Variants in FHIT observed in about 807,000 individuals in gnomAD.
FHIT encodes the protein fragile histidine triad diadenosine triphosphatase.
In FHIT, 19 loss-of-function variants were observed where a neutral mutation model predicts 17.9. The observed-to-expected ratio is 1.06, with a 90% CI of 0.74 to 1.56. FHIT has a LOEUF of 1.56. Ranked by LOEUF, FHIT falls within the 40% of genes most tolerant of loss-of-function variation. The probability of loss-of-function intolerance (pLI) is 0.00; values close to 1 mark genes in which losing one functional copy is unlikely to be tolerated. For synonymous variants in FHIT, 81 were observed against 69.7 expected, an observed-to-expected ratio of 1.16 and a Z score of -0.81; for missense variants, 248 against 189.2, an observed-to-expected ratio of 1.31 and a Z score of -1.82.
At chr3:60,437,880 C>G (rs1026167577) in intron 5 of FHIT, among the ~76,000 whole-genome samples, 3 of 151,160 alleles carry the variant, frequency 2.0e-5, no homozygotes, top group African/African-American at 7.3e-5. Context: ...AAAATCATGA[C>G]TAGTCACTTG....
At chr3:61,207,215 G>A (rs1435036088) in intron 1 of FHIT, among the ~76,000 whole-genome samples, 1 of 152,118 alleles carries the variant, frequency 6.6e-6, no homozygotes. Flanking sequence ...GCTGGATTCG[G>A]TTTGCCAGTA....
intron 1 of FHIT, among the ~76,000 whole-genome samples, chr3:61,207,214 G>A (rs147963661): frequency 5.3e-5 from 8 of 152,148 alleles, no homozygotes; most frequent in East Asian, 3.9e-4. Context: ...TGCTGGATTC[G>A]GTTTGCCAGT....
intron 3 of FHIT, among the ~76,000 whole-genome samples, chr3:60,952,376 G>A (rs782066628): frequency 9.2e-5 from 14 of 152,094 alleles, no homozygotes; most frequent in Non-Finnish European, 1.8e-4. Context: ...TCTTTTAACC[G>A]TTTGTTCTGG....
intron 5 of FHIT, among the ~76,000 whole-genome samples, chr3:60,302,697 A>G (rs973934724): frequency 3.3e-5 from 5 of 152,162 alleles, no homozygotes. Context: ...TATTTCACTG[A>G]CGTCTAACAC....
intron 4 of FHIT, among the ~76,000 whole-genome samples, chr3:60,788,432 C>A (rs1700657417): frequency 1.3e-5 from 2 of 152,046 alleles, no homozygotes; most frequent in Non-Finnish European, 2.9e-5. Context: ...TCAGGATCAA[C>A]TATATATATA....
Position 60,429,227 on chromosome 3 carries a change from A to T in FHIT, c.103+107633T>A, listed in dbSNP as rs536044319. On this transcript the variant is annotated intron_variant, in intron 5 of 9. Transcript: ENST00000492590. ...CCAGGAGGCATCAGTTAAAACTCTT[A>T]TAAATACCTTCTTTAAGTGATTTTA... 1.7e-4 allele frequency among the ~76,000 whole-genome samples: 26 copies of T among 152,194 alleles called. No individual in the cohort carries two copies. The East Asian group carries it at 5.1e-3, about 30-fold the overall frequency.
intron 5 of FHIT, among the ~76,000 whole-genome samples, chr3:60,495,933 AGAATG>A (rs975448360): frequency 6.6e-6 from 1 of 152,192 alleles, no homozygotes; most frequent in African/African-American, 2.4e-5. Flanking sequence ...GGGAAAGAAT[AGAATG>A]GAACACTGTT....
chr3:60,247,535 C>T (rs966839694), intron 5 of FHIT, among the ~76,000 whole-genome samples: 1 of 152,062 alleles, frequency 6.6e-6, no homozygotes, highest in Non-Finnish European at 1.5e-5. Context: ...TTTGGGTTTA[C>T]AAAATTAAAC....
chr3:61,156,278 G>T (rs1054399013), intron 2 of FHIT, among the ~76,000 whole-genome samples: 8 of 151,998 alleles, frequency 5.3e-5, no homozygotes, highest in African/African-American at 1.9e-4. Context: ...CATTGAACCT[G>T]GTAATGGTCT....
chr3:60,195,553 A>ATATATATATT (rs148013554), intron 5 of FHIT, among the ~76,000 whole-genome samples: 27 of 136,494 alleles, frequency 2.0e-4, no homozygotes, highest in Admixed American at 1.0e-3. Flanking sequence ...TGTGATATAT[A>ATATATATATT]TATATATTTA....
At chr3:60,836,165 C>G (rs957855696) in intron 3 of FHIT, among the ~76,000 whole-genome samples, 2 of 152,118 alleles carry the variant, frequency 1.3e-5, no homozygotes, top group African/African-American at 2.4e-5. Flanking sequence ...ATTCTTTTAG[C>G]CTGAATCCTG....
chr3:60,051,747 C>T (rs1014283919), intron 5 of FHIT, among the ~76,000 whole-genome samples: 1 of 152,098 alleles, frequency 6.6e-6, no homozygotes, highest in African/African-American at 2.4e-5. Flanking sequence ...TGCCAAGTCC[C>T]CAAGGCTGTA....
intron 5 of FHIT, among the ~76,000 whole-genome samples, chr3:60,197,895 C>G (rs1232586453): frequency 1.3e-5 from 2 of 152,152 alleles, no homozygotes; most frequent in Middle Eastern, 3.2e-3. Flanking sequence ...TGTAACTTCA[C>G]AAACTTGAAA....
intron 3 of FHIT, among the ~76,000 whole-genome samples, chr3:60,928,655 G>A (rs1376470707): frequency 4.0e-5 from 6 of 149,720 alleles, no homozygotes; most frequent in African/African-American, 1.5e-4. Flanking sequence ...ACCCTCCCAA[G>A]ACTAAACCAG....
At chr3:59,983,676 T>A (rs1400426122) in intron 7 of FHIT, among the ~76,000 whole-genome samples, 1 of 152,132 alleles carries the variant, frequency 6.6e-6, no homozygotes, top group Non-Finnish European at 1.5e-5. Flanking sequence ...CCCTCTCCAG[T>A]GTTGGCTTCA....
At chr3:59,959,933 A>G (rs1707586712) in intron 7 of FHIT, among the ~76,000 whole-genome samples, 1 of 152,196 alleles carries the variant, frequency 6.6e-6, no homozygotes, top group Non-Finnish European at 1.5e-5. Flanking sequence ...ATAAGGAGAT[A>G]ATAACATATG....
intron 7 of FHIT, among the ~76,000 whole-genome samples, chr3:59,991,605 G>C (rs1333496290): frequency 6.6e-6 from 1 of 152,056 alleles, no homozygotes; most frequent in African/African-American, 2.4e-5. Flanking sequence ...TCTCTAGGAA[G>C]CATCTTTCTT....
intron 5 of FHIT, among the ~76,000 whole-genome samples, chr3:60,116,626 G>A (rs546589921): frequency 2.0e-5 from 3 of 152,114 alleles, no homozygotes; most frequent in Middle Eastern, 3.4e-3. Context: ...ACTCTTCCTG[G>A]CATTTCTAAT....
rs1576736164 is a variant in FHIT at position 60,483,254 on chromosome 3, A to G, written c.103+53606T>C. ...CAGCCAAATTCTACCAGAGGTACAA[A>G]GAGGAACTGGTGTCATTCCTTCTGA... is the stretch of plus-strand genomic sequence containing the variant. On this transcript the variant is annotated intron_variant, in intron 5 of 9. Coordinates refer to ENST00000492590, the MANE Select transcript of FHIT (RefSeq NM_002012.4). Among the ~76,000 whole-genome samples, 5 of 152,322 alleles carry G rather than the reference A, an allele frequency of 3.3e-5. No homozygotes were observed. In the South Asian group the frequency reaches 8.3e-4, roughly 25 times the overall value.
Sources: allele counts gnomAD v4.1 joint callset (sites outside exome capture counted in the v4.1 genomes callset), GRCh38; gene constraint gnomAD v4.1.1; transcripts MANE v1.5; gene names NCBI Gene and HGNC (gene_info 2026-07-23, HGNC 2026-07-21).